The following ENPP3 variants were observed in gnomAD, a reference collection of about 807,000 sequenced individuals.
ENPP3 encodes the protein ectonucleotide pyrophosphatase/phosphodiesterase family member 3.
Under a neutral mutation model 117.8 loss-of-function variants are expected in ENPP3, and 104 were observed. The observed-to-expected ratio is 0.88, with a 90% CI of 0.75 to 1.04. ENPP3 has a LOEUF of 1.04. ENPP3 is among the 50% of genes least tolerant of loss of function. The probability of loss-of-function intolerance (pLI) is 0.00; values close to 1 mark genes in which losing one functional copy is unlikely to be tolerated. For synonymous variants in ENPP3, 380 were observed against 349.9 expected, an observed-to-expected ratio of 1.09 and a Z score of -0.96; for missense variants, 1,026 against 1,051.9, an observed-to-expected ratio of 0.98 and a Z score of 0.34.
At chr6:131,640,788 C>A (rs2114281266) in intron 1 of ENPP3, among the ~76,000 whole-genome samples, 1 of 152,244 alleles carries the variant, frequency 6.6e-6, no homozygotes, top group South Asian at 2.1e-4. Context: ...TAGAAGAATT[C>A]TTTTTAATTA....
At chr6:131,695,037 C>A (rs1447209772) in intron 15 of ENPP3, among the ~76,000 whole-genome samples, 1 of 151,694 alleles carries the variant, frequency 6.6e-6, no homozygotes, top group Non-Finnish European at 1.5e-5. Flanking sequence ...CTAGATGGTG[C>A]TGACCCCTCT....
In ENPP3 at chr6:131,678,327, A is replaced by G. The variant is rs147589040; in HGVS notation, c.1011+387A>G. 8.0e-3 allele frequency among the ~76,000 whole-genome samples: 1,225 copies of G among 152,186 alleles called. 13 individuals are homozygous for G. Among genetic ancestry groups the G allele is most frequent in the African/African-American group, 0.025 (1,020 of 41,508 alleles). ...TCCACTGTGGTATATCCGGCTGTCT[A>G]CTCCCCGACAGTTCAGTTATAAGTT... is the stretch of plus-strand genomic sequence containing the variant. On this transcript the variant is annotated intron_variant, in intron 11 of 24. Transcript: ENST00000357639.
chr6:131,643,371 C>T (rs1313471082), intron 2 of ENPP3, among the ~76,000 whole-genome samples: 2 of 152,170 alleles, frequency 1.3e-5, no homozygotes, highest in Non-Finnish European at 2.9e-5. Flanking sequence ...TCCTTTTGTT[C>T]CAGCTCTTTC....
Position 131,676,785 on chromosome 6 carries a change from C to G in ENPP3, c.922C>G (p.Leu308Val). Residue 308 changes from leucine to valine, a missense_variant, in exon 10 of 25, where the codon CTG becomes GTG. Physicochemically the swap from Leu to Val is conservative, Grantham distance 32. Transcript: ENST00000357639. ...TTCTACACTGTTAAAATGGCTGGACCTGCCCAAAGCTGAAAGGTAATGTCT... is the reference window on the plus strand; with the variant it reads ...TTCTACACTGTTAAAATGGCTGGACGTGCCCAAAGCTGAAAGGTAATGTCT... The part of the protein sequence containing the change: ...RISTLLKWLD[L>V]PKAERPRFYT... 6.2e-7 allele frequency: 1 copy of G among 1,609,848 alleles called. No homozygotes were observed. The highest frequency in any genetic ancestry group is 8.5e-7 in the Non-Finnish European group (1 of 1,176,388).
At position 131,710,014 on chromosome 6, in the gene ENPP3, C is replaced by A. The variant is rs1779744199; in HGVS notation, c.1413-8658C>A. Reference sequence around the variant, plus strand: ...AGATAACTGAATAATAATGTGGTTTCTTTCTCCTTCTAAGCTTTTTAAAGA... The same window carrying A: ...AGATAACTGAATAATAATGTGGTTTATTTCTCCTTCTAAGCTTTTTAAAGA... On this transcript the variant is annotated intron_variant, in intron 15 of 24. Transcript: ENST00000357639. 4 of 1,605,852 alleles carry A rather than the reference C, an allele frequency of 2.5e-6. No individual in the cohort carries two copies. The Admixed American group carries it at 5.1e-5, about 20-fold the overall frequency.
chr6:131,674,570 C>CTT (rs551650421), intron 8 of ENPP3, among the ~76,000 whole-genome samples: 1 of 144,300 alleles, frequency 6.9e-6, no homozygotes, highest in African/African-American at 2.5e-5. Flanking sequence ...TTTTGTAAGT[C>CTT]TTTTTTTTTT....
rs770782495 is a variant in ENPP3 at position 131,740,267 on chromosome 6, G to T, written c.2344G>T (p.Val782Leu). 1 of 1,612,608 alleles carries T rather than the reference G, an allele frequency of 6.2e-7. No individual in the cohort carries two copies. The highest frequency in any genetic ancestry group is 8.5e-7 in the Non-Finnish European group (1 of 1,179,268). ...TDVPIPTHYF[V>L]VLTSCKNKSH... ...TGTTCCCATCCCAACACACTACTTTGTGGTGCTGACCAGTTGTAAAAACAA... is the reference window on the plus strand; with the variant it reads ...TGTTCCCATCCCAACACACTACTTTTTGGTGCTGACCAGTTGTAAAAACAA... The change falls in exon 24 of 25, where the codon GTG becomes TTG. Residue 782 changes from valine to leucine, a missense_variant. By Grantham distance (32) the Val-to-Leu change is conservative (BLOSUM62 1). Coordinates refer to ENST00000357639, the MANE Select transcript of ENPP3 (RefSeq NM_005021.5).
intron 20 of ENPP3, among the ~76,000 whole-genome samples, chr6:131,733,112 G>A (rs902908382): frequency 1.3e-5 from 2 of 152,078 alleles, no homozygotes; most frequent in African/African-American, 4.8e-5. Flanking sequence ...AAACTAATTT[G>A]TTTAGACAAC....
chr6:131,738,930 G>T (rs927173713), intron 23 of ENPP3, among the ~76,000 whole-genome samples: 2 of 152,074 alleles, frequency 1.3e-5, no homozygotes, highest in African/African-American at 4.8e-5. Flanking sequence ...CCTTATTTCA[G>T]TGTTGAATGA....
intron 5 of ENPP3, 67 bp from the exon 6 acceptor site, chr6:131,658,256 A>T: frequency 1.2e-6 from 1 of 838,462 alleles, no homozygotes; most frequent in South Asian, 1.4e-5. Context: ...CTAAAAAAGG[A>T]TTGCAATGCT....
chr6:131,737,312 T>A (rs1232575589), intron 21 of ENPP3, 43 bp from the exon 22 acceptor site: 2 of 1,247,928 alleles, frequency 1.6e-6, no homozygotes, highest in Non-Finnish European at 2.3e-6. Context: ...TATGTCATAT[T>A]TTCTCTTATA....
intron 14 of ENPP3, among the ~76,000 whole-genome samples, chr6:131,687,999 G>A (rs867280930): frequency 1.3e-5 from 2 of 152,094 alleles, no homozygotes; most frequent in Non-Finnish European, 2.9e-5. Context: ...TGGCAGCTCT[G>A]CACTGAGCAT....
chr6:131,718,822 C>A (rs117570214), intron 16 of ENPP3, 84 bp downstream of exon 16: 9,820 of 750,046 alleles, frequency 0.013, 97 homozygotes, highest in Middle Eastern at 0.026. Flanking sequence ...CATAGGTAAA[C>A]ATCTGTCATG....
At chr6:131,650,925 A>ATT (rs35451980) in intron 3 of ENPP3, among the ~76,000 whole-genome samples, 1 of 147,796 alleles carries the variant, frequency 6.8e-6, no homozygotes, top group African/African-American at 2.5e-5. Context: ...TTTACAAGTA[A>ATT]TTTTTTTTTT....
intron 6 of ENPP3, among the ~76,000 whole-genome samples, chr6:131,669,988 G>C (rs1418212264): frequency 6.6e-6 from 1 of 152,194 alleles, no homozygotes; most frequent in Non-Finnish European, 1.5e-5. Context: ...TTTTGCTGTG[G>C]AAAATTTCTT....
At position 131,746,880 on chromosome 6, in the gene ENPP3, A is replaced by G; in HGVS notation, c.2552A>G (p.Tyr851Cys). The G allele has an allele frequency of 1.2e-6, 2 of 1,613,228 alleles. No homozygotes were observed. The highest frequency in any genetic ancestry group is 1.1e-5 in the South Asian group (1 of 90,980). Reference protein sequence around the residue: ...DVELLTGLDFYQDKVQPVSEI... With the variant: ...DVELLTGLDFCQDKVQPVSEI... ...GAACTTCTCACTGGGCTTGACTTCT[A>G]TCAGGATAAAGTGCAGCCTGTCTCT... The change falls in exon 25 of 25, where the codon TAT becomes TGT. Residue 851 changes from tyrosine to cysteine, a missense_variant. By Grantham distance (194) the Tyr-to-Cys change is radical (BLOSUM62 -2). Transcript: ENST00000357639.
At chr6:131,671,946 T>G (rs1253093722) in intron 7 of ENPP3, among the ~76,000 whole-genome samples, 1 of 152,238 alleles carries the variant, frequency 6.6e-6, no homozygotes, top group Non-Finnish European at 1.5e-5. Context: ...AGGATATTTG[T>G]GTCTTCATTA....
intron 16 of ENPP3, among the ~76,000 whole-genome samples, chr6:131,719,414 CACACACAT>C (rs1288013617): frequency 0.011 from 1,543 of 134,180 alleles, 27 homozygotes; most frequent in African/African-American, 0.045. Context: ...CACACACACA[CACACACAT>C]TCCTTTCCAA....
intron 23 of ENPP3, among the ~76,000 whole-genome samples, chr6:131,738,495 A>G (rs1216213129): frequency 1.3e-5 from 2 of 149,174 alleles, no homozygotes; most frequent in Non-Finnish European, 3.0e-5. Flanking sequence ...AAACCAATCC[A>G]ACAGTAAATG....
Sources: gnomAD v4.1 joint callset for allele counts (sites outside exome capture counted in the v4.1 genomes callset) on GRCh38, gnomAD v4.1.1 for gene constraint, MANE v1.5 for transcripts, NCBI Gene and HGNC (gene_info 2026-07-23, HGNC 2026-07-21) for gene names.